Variants in TEX36 observed in about 807,000 individuals in gnomAD.
The protein encoded by TEX36 is testis-expressed protein 36.
TEX36 carries 12 observed loss-of-function variants against 13.6 expected under a neutral mutation model. The ratio of observed to expected loss-of-function variants is 0.88; its 90% CI spans 0.56 to 1.43. The LOEUF (loss-of-function observed/expected upper bound fraction) is 1.43. Among genes scored for constraint, TEX36 ranks in the 40% most tolerant of loss-of-function variants. The probability of loss-of-function intolerance (pLI) is 0.00; values close to 1 mark genes in which losing one functional copy is unlikely to be tolerated. For synonymous variants in TEX36, 93 were observed against 83.0 expected (o/e 1.12, Z -0.65); for missense variants, 224 against 228.3 (o/e 0.98, Z 0.12).
intron 3 of TEX36, among the ~76,000 whole-genome samples, chr10:125,634,791 A>G (rs938464270): frequency 1.3e-5 from 2 of 152,212 alleles, no homozygotes; most frequent in African/African-American, 4.8e-5. Flanking sequence ...TCATTAATGC[A>G]ATACGTCATC....
At chr10:125,649,875 C>A (rs183266019) in intron 3 of TEX36, among the ~76,000 whole-genome samples, 3 of 152,014 alleles carry the variant, frequency 2.0e-5, no homozygotes, top group Non-Finnish European at 4.4e-5. Context: ...GACTTTAAAC[C>A]AACAAAGATC....
chr10:125,617,374 C>T (rs138360612), downstream of TEX36, among the ~76,000 whole-genome samples: 1,463 of 152,246 alleles, frequency 9.6e-3, 22 homozygotes, highest in African/African-American at 0.034. Context: ...GCAGTTTCTT[C>T]GTGGTCTTGA....
At chr10:125,630,558 C>T (rs1400664215) in intron 3 of TEX36, among the ~76,000 whole-genome samples, 3 of 152,162 alleles carry the variant, frequency 2.0e-5, no homozygotes, top group Non-Finnish European at 4.4e-5. Context: ...GTCACCTCTG[C>T]CATATTCTAC....
intron 3 of TEX36, among the ~76,000 whole-genome samples, chr10:125,584,071 C>G (rs755685885): frequency 6.6e-6 from 1 of 152,202 alleles, no homozygotes; most frequent in Non-Finnish European, 1.5e-5. Context: ...GCTGCTGCCA[C>G]TATGCAAAAA....
intron 3 of TEX36, among the ~76,000 whole-genome samples, chr10:125,596,158 C>T (rs556012914): frequency 3.3e-5 from 5 of 152,070 alleles, no homozygotes; most frequent in Non-Finnish European, 7.3e-5. Flanking sequence ...AACAATGGCC[C>T]TTCAACATGT....
At chr10:125,601,066 T>C (rs898972349) in intron 3 of TEX36, among the ~76,000 whole-genome samples, 1 of 152,238 alleles carries the variant, frequency 6.6e-6, no homozygotes, top group Non-Finnish European at 1.5e-5. Flanking sequence ...AATTTTGCTC[T>C]CTGGTTGAAA....
chr10:125,585,556 A>C (rs1159141364), intron 3 of TEX36, among the ~76,000 whole-genome samples: 2 of 152,230 alleles, frequency 1.3e-5, no homozygotes, highest in Admixed American at 6.5e-5. Flanking sequence ...AAATATGGGA[A>C]GGTCACTCTG....
chr10:125,589,340 CT>C (rs1213115998), intron 3 of TEX36, among the ~76,000 whole-genome samples: 3 of 152,106 alleles, frequency 2.0e-5, no homozygotes, highest in African/African-American at 7.2e-5. Flanking sequence ...ATATTCTTAT[CT>C]TTTTTCTGTG....
downstream of TEX36, among the ~76,000 whole-genome samples, chr10:125,619,970 C>A (rs1046714106): frequency 1.3e-5 from 2 of 151,858 alleles, no homozygotes; most frequent in Non-Finnish European, 2.9e-5. Flanking sequence ...ATTAAATATT[C>A]TTGTAAAATA....
At chr10:125,618,942 TAAAAAAAAAAAAAAA>T (rs11452140), downstream of TEX36, among the ~76,000 whole-genome samples, 2 of 43,596 alleles carry the variant, frequency 4.6e-5, no homozygotes, top group African/African-American at 9.9e-5. Flanking sequence ...CCGTCTCTAC[TAAAAAAAAAAAAAAA>T]AAAAAAAAAA....
At chr10:125,594,374 G>GA (rs1276680530) in intron 3 of TEX36, among the ~76,000 whole-genome samples, 1 of 152,168 alleles carries the variant, frequency 6.6e-6, no homozygotes, top group Non-Finnish European at 1.5e-5. Context: ...AATTCATAGT[G>GA]AAAATCATTA....
rs78511557 is a variant in TEX36 at position 125,587,052 on chromosome 10, A to T, written c.265-10178T>A. ...CTGTGCCTGCCATGTAGACGTGCCT[A>T]CTTCCTCTTTGCCTTCCATCACGAT... is the stretch of plus-strand genomic sequence containing the variant. On this transcript the variant is annotated intron_variant, in intron 3 of 3. Transcript: ENST00000532135. Among the ~76,000 whole-genome samples, 1,161 of 152,218 alleles carry T rather than the reference A, an allele frequency of 7.6e-3. 16 individuals are homozygous for T. Among genetic ancestry groups the T allele is most frequent in the African/African-American group, 0.027 (1,122 of 41,542 alleles).
intron 3 of TEX36, among the ~76,000 whole-genome samples, chr10:125,598,591 T>C (rs959900131): frequency 6.6e-6 from 1 of 152,196 alleles, no homozygotes; most frequent in Non-Finnish European, 1.5e-5. Context: ...GCAAAGAAAA[T>C]GAATCCAGAA....
intron 3 of TEX36, among the ~76,000 whole-genome samples, chr10:125,589,119 T>C (rs921769616): frequency 6.6e-6 from 1 of 152,254 alleles, no homozygotes; most frequent in Non-Finnish European, 1.5e-5. Flanking sequence ...CCCATATGTT[T>C]AAAAACCATC....
intron 3 of TEX36, among the ~76,000 whole-genome samples, chr10:125,650,011 C>T (rs1846829309): frequency 6.6e-6 from 1 of 152,258 alleles, no homozygotes; most frequent in East Asian, 1.9e-4. Context: ...TCCTTAGAGA[C>T]CTAGAAAGAG....
At chr10:125,592,972 G>T (rs1359138505) in intron 3 of TEX36, among the ~76,000 whole-genome samples, 1 of 152,208 alleles carries the variant, frequency 6.6e-6, no homozygotes, top group Non-Finnish European at 1.5e-5. Context: ...CATGGGTTCA[G>T]CAACCTGGAA....
At position 125,635,612 on chromosome 10, in the gene TEX36, C is replaced by T. The variant is rs572534774; in HGVS notation, c.265-13967G>A. Among the ~76,000 whole-genome samples the T allele has an allele frequency of 1.5e-4, 23 of 152,260 alleles. No individual in the cohort carries two copies. The South Asian group carries it at 4.4e-3, about 29-fold the overall frequency. The stretch of plus-strand genomic sequence containing the variant: ...GGTACAGCGGATGGGGGAAGTTCAC[C>T]GTCTTTCTCTTGTCCCCCAGCACTG... On this transcript the variant is annotated intron_variant, in intron 3 of 3. Coordinates refer to the TEX36 transcript ENST00000526819.
chr10:125,632,687 C>T (rs1846571590), intron 3 of TEX36, among the ~76,000 whole-genome samples: 1 of 152,316 alleles, frequency 6.6e-6, no homozygotes, highest in East Asian at 1.9e-4. Context: ...AGCTGCTCAG[C>T]TACAGTCCCT....
intron 3 of TEX36, among the ~76,000 whole-genome samples, chr10:125,636,764 T>A (rs1204638909): frequency 6.6e-6 from 1 of 152,070 alleles, no homozygotes; most frequent in Non-Finnish European, 1.5e-5. Flanking sequence ...GCTGTACTTG[T>A]GTGTGGGTGA....
Sources: gnomAD v4.1 joint callset for allele counts (sites outside exome capture counted in the v4.1 genomes callset) on GRCh38, gnomAD v4.1.1 for gene constraint, MANE v1.5 for transcripts, NCBI Gene and HGNC (gene_info 2026-07-23, HGNC 2026-07-21) for gene names.